The following ZMYND11 variants were observed in gnomAD, a reference collection of about 807,000 sequenced individuals.
ZMYND11 encodes the protein zinc finger MYND domain-containing protein 11.
In ZMYND11, 9 loss-of-function variants were observed where a neutral mutation model predicts 84.9. That is an observed-to-expected ratio of 0.11 (90% CI 0.06 to 0.18). The LOEUF is 0.18. Ranked by LOEUF, ZMYND11 falls within the 10% of genes least tolerant of loss-of-function variation. ZMYND11 has a pLI of 1.00. For synonymous variants in ZMYND11, 250 were observed against 244.1 expected (o/e 1.02, Z -0.23); for missense variants, 409 against 761.0 (o/e 0.54, Z 5.44).
intron 2 of ZMYND11, among the ~76,000 whole-genome samples, chr10:206,910 C>T (rs1039059360): frequency 1.8e-4 from 27 of 151,856 alleles, no homozygotes; most frequent in African/African-American, 6.5e-4. Context: ...CATATGTATA[C>T]ATGTGCCATG....
chr10:244,789 C>T lies in ZMYND11; in HGVS notation c.951-1977C>T, dbSNP rs149511677. Among the ~76,000 whole-genome samples, 1,235 of 152,248 alleles carry T rather than the reference C, an allele frequency of 8.1e-3. 12 individuals carry two copies. Among genetic ancestry groups the T allele is most frequent in the South Asian group, 0.028 (136 of 4,820 alleles). Reference sequence around the variant, plus strand: ...TTTTTGTAGATCAGAGAGCATACCCCGTGATAATCAGATTTCAGTTTAAAA... The same window carrying T: ...TTTTTGTAGATCAGAGAGCATACCCTGTGATAATCAGATTTCAGTTTAAAA... On this transcript the variant is annotated intron_variant, in intron 10 of 14. Coordinates refer to ENST00000381604, the MANE Select transcript of ZMYND11 (RefSeq NM_001370100.5).
chr10:229,916 C>A (rs1948713655), intron 4 of ZMYND11, among the ~76,000 whole-genome samples: 1 of 152,088 alleles, frequency 6.6e-6, no homozygotes, highest in Admixed American at 6.5e-5. Context: ...ATTTCTGTAA[C>A]AACATAGAAT....
intron 3 of ZMYND11, among the ~76,000 whole-genome samples, chr10:220,579 G>A (rs1466013530): frequency 1.3e-5 from 2 of 152,130 alleles, no homozygotes; most frequent in Non-Finnish European, 2.9e-5. Context: ...ATCTCCTTTG[G>A]ATAATGTGAT....
intron 3 of ZMYND11, among the ~76,000 whole-genome samples, chr10:210,802 C>G (rs1945088338): frequency 6.6e-6 from 1 of 151,896 alleles, no homozygotes; most frequent in African/African-American, 2.4e-5. Flanking sequence ...TTTGCTGTTT[C>G]TAATACCTTG....
At chr10:132,937 T>C (rs775963224), upstream of ZMYND11, among the ~76,000 whole-genome samples, 55 of 152,176 alleles carry the variant, frequency 3.6e-4, no homozygotes, top group Non-Finnish European at 6.3e-4. Flanking sequence ...CTGTCTGTAT[T>C]CAATTGTATA....
chr10:184,565 T>G (rs1255693169), intron 2 of ZMYND11, among the ~76,000 whole-genome samples: 1 of 152,206 alleles, frequency 6.6e-6, no homozygotes, highest in East Asian at 1.9e-4. Flanking sequence ...GACTTTTTCT[T>G]CTGATTTATA....
At chr10:208,173 T>A (rs1470768124) in intron 2 of ZMYND11, among the ~76,000 whole-genome samples, 9 of 152,124 alleles carry the variant, frequency 5.9e-5, no homozygotes, top group Admixed American at 2.0e-4. Context: ...CTTAAACGTT[T>A]GACCTAAAAC....
In ZMYND11 at chr10:220,583, A is replaced by G. The variant is rs563732146; in HGVS notation, c.277-612A>G. 6.8e-4 allele frequency among the ~76,000 whole-genome samples: 104 copies of G among 152,286 alleles called. 2 individuals are homozygous for G. The highest frequency in any genetic ancestry group is 6.8e-3 in the Middle Eastern group (2 of 294). Reference sequence around the variant, plus strand: ...TTTCTGTGGTAATCTCCTTTGGATAATGTGATTAAACCTTTAGTTTCACAG... The same window carrying G: ...TTTCTGTGGTAATCTCCTTTGGATAGTGTGATTAAACCTTTAGTTTCACAG... On this transcript the variant is annotated intron_variant, in intron 3 of 14. Transcript: ENST00000381604.
intron 1 of ZMYND11, among the ~76,000 whole-genome samples, chr10:164,262 A>G (rs1843515877): frequency 6.6e-6 from 1 of 152,026 alleles, no homozygotes; most frequent in Non-Finnish European, 1.5e-5. Flanking sequence ...TTCTCAATTA[A>G]CGGCTTTTGC....
chr10:209,745 C>T (rs1944840248), intron 2 of ZMYND11, 144 bp from the exon 3 acceptor site: 8 of 633,724 alleles, frequency 1.3e-5, no homozygotes, highest in Middle Eastern at 4.4e-4. Flanking sequence ...TTATCGTGTT[C>T]GTTCTTTATC....
At chr10:167,788 C>T in intron 1 of ZMYND11, among the ~76,000 whole-genome samples, 1 of 151,924 alleles carries the variant, frequency 6.6e-6, no homozygotes, top group Non-Finnish European at 1.5e-5. Flanking sequence ...AGATTAATTT[C>T]TCCTCCTATT....
intron 4 of ZMYND11, among the ~76,000 whole-genome samples, chr10:234,825 AC>A (rs968762218): frequency 3.9e-5 from 6 of 152,312 alleles, no homozygotes; most frequent in Admixed American, 3.9e-4. Flanking sequence ...AAAGCAGTGC[AC>A]CGAAGCATGT....
chr10:229,144 G>A (rs2131552404), intron 4 of ZMYND11, among the ~76,000 whole-genome samples: 1 of 152,314 alleles, frequency 6.6e-6, no homozygotes, highest in African/African-American at 2.4e-5. Context: ...TTCCTTTAGA[G>A]AAGAAAGAGT....
At chr10:181,241 CT>C (rs1275197318) in intron 2 of ZMYND11, among the ~76,000 whole-genome samples, 1 of 152,070 alleles carries the variant, frequency 6.6e-6, no homozygotes, top group Admixed American at 6.6e-5. Flanking sequence ...TAAATAAATG[CT>C]TTTTTTGGCC....
intron 1 of ZMYND11, among the ~76,000 whole-genome samples, chr10:152,527 A>G (rs953243683): frequency 2.0e-5 from 3 of 152,336 alleles, no homozygotes; most frequent in Admixed American, 2.0e-4. Flanking sequence ...CTAAATATAT[A>G]TGCACCCAAT....
At chr10:210,168 C>A in intron 3 of ZMYND11, 120 bp downstream of exon 3, 1 of 1,120,996 alleles carries the variant, frequency 8.9e-7, no homozygotes, top group Non-Finnish European at 1.3e-6. Context: ...ACATTTGTAT[C>A]AACATTAAGG....
At chr10:181,192 G>A (rs1336693318) in intron 2 of ZMYND11, among the ~76,000 whole-genome samples, 2 of 152,198 alleles carry the variant, frequency 1.3e-5, no homozygotes, top group East Asian at 3.9e-4. Context: ...AGATGCTATG[G>A]GTAGAAATGG....
intron 3 of ZMYND11, among the ~76,000 whole-genome samples, chr10:211,107 A>C (rs984922080): frequency 1.3e-5 from 2 of 152,068 alleles, no homozygotes; most frequent in Non-Finnish European, 2.9e-5. Flanking sequence ...TAGGAGGATC[A>C]CTTGAGCCCA....
chr10:244,743 T>G (rs1258138884), intron 10 of ZMYND11: 1 of 152,252 alleles, frequency 6.6e-6, no homozygotes, highest in East Asian at 1.9e-4. Context: ...TACCTTAAAT[T>G]GCGGGTGTTT....
Sources: allele counts gnomAD v4.1 joint callset (sites outside exome capture counted in the v4.1 genomes callset), GRCh38; gene constraint gnomAD v4.1.1; transcripts MANE v1.5; gene names NCBI Gene and HGNC (gene_info 2026-07-23, HGNC 2026-07-21).